CCDC178: variants seen among roughly 807,000 people sequenced by gnomAD.
CCDC178 encodes coiled-coil domain-containing protein 178.
CCDC178 carries 126 observed loss-of-function variants against 117.4 expected under a neutral mutation model. The ratio of observed to expected loss-of-function variants is 1.07; its 90% CI spans 0.93 to 1.24. The LOEUF is 1.24. CCDC178 is among the 50% of genes most tolerant of loss of function. The probability of loss-of-function intolerance (pLI) is 0.00; values close to 1 mark genes in which losing one functional copy is unlikely to be tolerated. For missense variants in CCDC178, 1,030 were observed against 986.9 expected (o/e 1.04, Z -0.59); for synonymous variants, 283 against 313.4 (o/e 0.90, Z 1.02).
At chr18:33,186,705 C>A (rs769881602) in intron 20 of CCDC178, among the ~76,000 whole-genome samples, 1 of 151,974 alleles carries the variant, frequency 6.6e-6, no homozygotes, top group Non-Finnish European at 1.5e-5. Flanking sequence ...TGCCCAGAGA[C>A]CAAGATTTGG....
chr18:33,253,520 A>C (rs1274494433), intron 14 of CCDC178, among the ~76,000 whole-genome samples: 2 of 151,884 alleles, frequency 1.3e-5, no homozygotes, highest in Non-Finnish European at 2.9e-5. Flanking sequence ...ACTGGGACTA[A>C]GGGGAAGGTG....
intron 21 of CCDC178, among the ~76,000 whole-genome samples, chr18:32,977,843 A>C (rs1011181039): frequency 2.0e-5 from 3 of 152,220 alleles, no homozygotes; most frequent in African/African-American, 7.2e-5. Context: ...CCTATGAACA[A>C]AGATTTGTTT....
intron 20 of CCDC178, among the ~76,000 whole-genome samples, chr18:33,149,353 C>T (rs1018930561): frequency 6.6e-6 from 1 of 152,118 alleles, no homozygotes; most frequent in Non-Finnish European, 1.5e-5. Flanking sequence ...CCCCAAATTC[C>T]AGAAATGCTC....
rs1290548834 is a variant in CCDC178, at chr18:33,194,388, C to G, written c.2238+17508G>C. 5.3e-5 allele frequency among the ~76,000 whole-genome samples: 8 copies of G among 152,122 alleles called. No individual in the cohort carries two copies. The East Asian group carries it at 1.5e-3, about 29-fold the overall frequency. On this transcript the variant is annotated intron_variant, in intron 20 of 22. Transcript: ENST00000383096. Reference sequence around the variant, plus strand: ...ACTAGAGAGCTCAAGTGGTTAAGTACTGACATGTGGTGCCTGAGCACCAGT... The same window carrying G: ...ACTAGAGAGCTCAAGTGGTTAAGTAGTGACATGTGGTGCCTGAGCACCAGT...
chr18:33,004,619 G>A (rs1332670960), intron 21 of CCDC178, among the ~76,000 whole-genome samples: 1 of 152,006 alleles, frequency 6.6e-6, no homozygotes, highest in African/African-American at 2.4e-5. Flanking sequence ...TGGACAAATG[G>A]GGTCGCATAA....
chr18:33,331,877 C>A (rs1443751581), intron 10 of CCDC178, among the ~76,000 whole-genome samples: 1 of 152,140 alleles, frequency 6.6e-6, no homozygotes, highest in African/African-American at 2.4e-5. Flanking sequence ...TATATAACCC[C>A]ACTAGGAAAA....
chr18:33,054,966 C>T (rs970950873), intron 21 of CCDC178, among the ~76,000 whole-genome samples: 53 of 152,156 alleles, frequency 3.5e-4, no homozygotes, highest in African/African-American at 1.3e-3. Context: ...TAAATAGTAG[C>T]CATTCTGACT....
intron 11 of CCDC178, among the ~76,000 whole-genome samples, chr18:33,308,699 A>C (rs1316984463): frequency 1.3e-5 from 2 of 152,220 alleles, no homozygotes; most frequent in South Asian, 2.1e-4. Context: ...ACCCAGTGGG[A>C]GGTAATTGAA....
At chr18:33,302,427 AC>A (rs1227011232) in intron 11 of CCDC178, among the ~76,000 whole-genome samples, 5 of 152,358 alleles carry the variant, frequency 3.3e-5, no homozygotes, top group African/African-American at 1.2e-4. Context: ...GGGAATGTAA[AC>A]TAGTACAGCT....
Position 33,344,297 on chromosome 18 carries a change from C to T in CCDC178, c.658+1914G>A, listed in dbSNP as rs1359230272. ...CCGCAGTCCGGCCTGGGCGACAGAG[C>T]GAGACTCCGTCTCAAAAAAAAAAAA... On this transcript the variant is annotated intron_variant, in intron 9 of 22. Coordinates refer to ENST00000383096, the MANE Select transcript of CCDC178 (RefSeq NM_001105528.4). 1.3e-4 allele frequency among the ~76,000 whole-genome samples: 14 copies of T among 110,716 alleles called. No individual in the cohort carries two copies. In the Admixed American group the frequency reaches 1.7e-3, roughly 13 times the overall value. The allele number at this position is 110,716 out of a possible 152,430, so 72.6% of individuals were successfully genotyped here.
At chr18:33,090,937 A>T (rs899437414) in intron 21 of CCDC178, among the ~76,000 whole-genome samples, 13 of 152,162 alleles carry the variant, frequency 8.5e-5, no homozygotes, top group African/African-American at 2.7e-4. Context: ...TGCTCTTACT[A>T]TGAAAATGTG....
intron 3 of CCDC178, among the ~76,000 whole-genome samples, chr18:33,400,996 A>G (rs1332956533): frequency 6.6e-6 from 1 of 152,200 alleles, no homozygotes; most frequent in East Asian, 1.9e-4. Flanking sequence ...AAATATTGTT[A>G]TGTCTCAGGG....
At chr18:33,375,943 T>G (rs527387837) in intron 5 of CCDC178, among the ~76,000 whole-genome samples, 13 of 152,136 alleles carry the variant, frequency 8.5e-5, no homozygotes, top group African/African-American at 2.9e-4. Flanking sequence ...AGTGAAAGTT[T>G]TATTAAAAAG....
chr18:33,165,268 ACTTGGGCC>A (rs1160495024), intron 20 of CCDC178, among the ~76,000 whole-genome samples: 1 of 152,084 alleles, frequency 6.6e-6, no homozygotes, highest in Non-Finnish European at 1.5e-5. Context: ...TGGGCAAATC[ACTTGGGCC>A]CAGGAGTCCA....
chr18:33,201,638 C>T (rs1228767738), intron 20 of CCDC178, among the ~76,000 whole-genome samples: 1 of 149,894 alleles, frequency 6.7e-6, no homozygotes, highest in Non-Finnish European at 1.5e-5. Context: ...AAAATCAGTT[C>T]TGCAAGCGTT....
intron 3 of CCDC178, among the ~76,000 whole-genome samples, chr18:33,400,194 T>C (rs370789012): frequency 6.6e-6 from 1 of 151,746 alleles, no homozygotes; most frequent in African/African-American, 2.4e-5. Flanking sequence ...TTAGCCTTTG[T>C]TGGTTCATTT....
chr18:33,126,997 A>AAT (rs1555647860), intron 20 of CCDC178, among the ~76,000 whole-genome samples: 1,620 of 141,144 alleles, frequency 0.011, 10 homozygotes, highest in Middle Eastern at 0.049. Flanking sequence ...AAAAAAAAAA[A>AAT]ATATATATAT....
chr18:33,019,446 T>A (rs1272302368), intron 21 of CCDC178, among the ~76,000 whole-genome samples: 1 of 152,192 alleles, frequency 6.6e-6, no homozygotes, highest in Non-Finnish European at 1.5e-5. Flanking sequence ...GATATATGAT[T>A]GCTAATTTAG....
At chr18:33,057,316 G>C (rs73417407) in intron 21 of CCDC178, among the ~76,000 whole-genome samples, 2,169 of 152,238 alleles carry the variant, frequency 0.014, 55 homozygotes, top group African/African-American at 0.049. Context: ...CTGCTTCAAA[G>C]GGTGGTTATA....
Sources: allele counts gnomAD v4.1 joint callset (sites outside exome capture counted in the v4.1 genomes callset), GRCh38; gene constraint gnomAD v4.1.1; transcripts MANE v1.5; gene names NCBI Gene and HGNC (gene_info 2026-07-23, HGNC 2026-07-21).